The following SLC27A2 variants were observed in gnomAD, a reference collection of about 807,000 sequenced individuals.
The protein encoded by SLC27A2 is long-chain fatty acid transport protein 2.
Under a neutral mutation model 60.0 loss-of-function variants are expected in SLC27A2, and 54 were observed. That is an observed-to-expected ratio of 0.90 (90% confidence interval 0.72 to 1.13). The LOEUF (loss-of-function observed/expected upper bound fraction) is 1.13. SLC27A2 is among the 50% of genes most tolerant of loss of function. The probability of loss-of-function intolerance (pLI) is 0.00; values close to 1 mark genes in which losing one functional copy is unlikely to be tolerated. For missense variants in SLC27A2, 739 were observed against 777.6 expected (o/e 0.95, Z 0.59); for synonymous variants, 297 against 297.6 (o/e 1.00, Z 0.02).
rs547412746 is a variant in SLC27A2 at position 50,204,593 on chromosome 15, T to C, written c.848-646T>C. Among the ~76,000 whole-genome samples, 4 of 151,244 alleles carry C rather than the reference T, an allele frequency of 2.6e-5. No homozygotes were observed. The East Asian group carries it at 5.9e-4, about 22-fold the overall frequency. ...CTAAAAATACAAAAAATTTGCCAGG[T>C]GTGGTGGCACGCGCCTGTAATCCCA... On this transcript the variant is annotated intron_variant, in intron 3 of 9. Transcript: ENST00000267842.
At chr15:50,214,873 A>G (rs746797322) in intron 4 of SLC27A2, among the ~76,000 whole-genome samples, 1 of 152,196 alleles carries the variant, frequency 6.6e-6, no homozygotes, top group Non-Finnish European at 1.5e-5. Flanking sequence ...GAATGGGGAA[A>G]AGTTGAAAGC....
rs141088672 is a variant in SLC27A2 at position 50,196,734 on chromosome 15, C to A, written c.479-766C>A. Among the ~76,000 whole-genome samples, 12 of 152,332 alleles carry A rather than the reference C, an allele frequency of 7.9e-5. No individual in the cohort carries two copies. In the East Asian group the frequency reaches 2.3e-3, roughly 29 times the overall value. On this transcript the variant is annotated intron_variant, in intron 1 of 9. Transcript: ENST00000267842. ...ATGACCCACAGGTTGGGAAACACTG[C>A]TCTAAATTAATCACTCCTTTTTTTT...
At chr15:50,192,400 A>G (rs1595680686) in intron 1 of SLC27A2, among the ~76,000 whole-genome samples, 1 of 152,180 alleles carries the variant, frequency 6.6e-6, no homozygotes, top group African/African-American at 2.4e-5. Flanking sequence ...CACAAACTAC[A>G]TGCCTGCAGA....
At position 50,182,614 on chromosome 15, in the gene SLC27A2, G is replaced by A; in HGVS notation, c.187G>A (p.Ala63Thr). 6.2e-7 allele frequency: 1 copy of A among 1,613,824 alleles called. No individual in the cohort carries two copies. The highest frequency in any genetic ancestry group is 8.5e-7 in the Non-Finnish European group (1 of 1,179,818). The change falls in exon 1 of 10, where the codon GCG becomes ACG. Residue 63 changes from alanine to threonine, a missense_variant. By Grantham distance (58) the Ala-to-Thr change is moderately conservative. Transcript: ENST00000267842. Reference protein sequence around the residue: ...RTILRAFLEKARQTPHKPFLL... With the variant: ...RTILRAFLEKTRQTPHKPFLL... The stretch of plus-strand genomic sequence containing the variant: ...CATCCTGCGGGCGTTCCTGGAGAAA[G>A]CGCGCCAGACGCCACACAAGCCTTT...
At chr15:50,222,518 GC>G (rs1180712245) in intron 4 of SLC27A2, among the ~76,000 whole-genome samples, 1 of 152,170 alleles carries the variant, frequency 6.6e-6, no homozygotes, top group Non-Finnish European at 1.5e-5. Context: ...AGTAGATTGT[GC>G]CCATCTCTGA....
intron 9 of SLC27A2, among the ~76,000 whole-genome samples, chr15:50,234,260 AC>A (rs540966342): frequency 6.8e-4 from 103 of 152,278 alleles, no homozygotes; most frequent in African/African-American, 2.5e-3. Flanking sequence ...AGCCTAGGCA[AC>A]GTAGTGAGAC....
chr15:50,214,387 T>C (rs920843966), intron 4 of SLC27A2, among the ~76,000 whole-genome samples: 1 of 152,026 alleles, frequency 6.6e-6, no homozygotes, highest in South Asian at 2.1e-4. Flanking sequence ...TTCTACCAGA[T>C]GTTCAAAGAA....
rs1190645910 is a variant in SLC27A2, at chr15:50,236,271, A to G, written c.*175A>G. The G allele has an allele frequency of 4.1e-6, 2 of 488,368 alleles. No homozygotes were observed. The highest frequency in any genetic ancestry group is 4.0e-5 in the African/African-American group (2 of 50,466). The allele number at this position is 488,368 out of a possible 1,614,324, so 30.3% of individuals were successfully genotyped here. On this transcript the variant is annotated 3_prime_UTR_variant, in exon 10 of 10. Coordinates refer to ENST00000267842, the MANE Select transcript of SLC27A2 (RefSeq NM_003645.4). ...TGAGTCTTTGCAAGTAAAAAGATTT[A>G]GAGATTATTATTTTTCAGTGTGCAC...
At chr15:50,202,688 C>G in intron 3 of SLC27A2, 43 bp downstream of exon 3, 1 of 1,596,214 alleles carries the variant, frequency 6.3e-7, no homozygotes, top group South Asian at 1.1e-5. Context: ...TGCACATTTA[C>G]ATTTTCCCAG....
Position 50,197,389 on chromosome 15 carries a change from C to T in SLC27A2, c.479-111C>T, listed in dbSNP as rs189745747. 3.6e-4 allele frequency: 274 copies of T among 755,126 alleles called. No homozygotes were observed. In the African/African-American group the frequency reaches 4.0e-3, roughly 11 times the overall value. The allele number at this position is 755,126 out of a possible 1,614,324, so 46.8% of individuals were successfully genotyped here. A position where few individuals can be genotyped will look rare whatever the true frequency, so the allele number is the denominator to read the frequency against. ...ATAAGCATCATTTGTCATGCCCACA[C>T]ATTTAAGCAAAAAATTATGCTGAAA... is the stretch of plus-strand genomic sequence containing the variant. On this transcript the variant is annotated intron_variant, in intron 1 of 9. Transcript: ENST00000267842.
Position 50,227,400 on chromosome 15 carries a change from A to G in SLC27A2, c.1457+222A>G, listed in dbSNP as rs180914692. Among the ~76,000 whole-genome samples the G allele has an allele frequency of 2.8e-3, 430 of 152,372 alleles. 1 individual carries two copies. Among genetic ancestry groups the G allele is most frequent in the African/African-American group, 1.0e-2 (415 of 41,586 alleles). On this transcript the variant is annotated intron_variant, in intron 7 of 9. Coordinates refer to ENST00000267842, the MANE Select transcript of SLC27A2 (RefSeq NM_003645.4). ...GAGCAACACCAGATGAGAATAAGGCAGGAAACCTGTATCTGATTTCTGGAG... is the reference window on the plus strand; with the variant it reads ...GAGCAACACCAGATGAGAATAAGGCGGGAAACCTGTATCTGATTTCTGGAG...
chr15:50,220,152 T>A (rs2045232478), intron 4 of SLC27A2, among the ~76,000 whole-genome samples: 1 of 152,188 alleles, frequency 6.6e-6, no homozygotes, highest in Non-Finnish European at 1.5e-5. Context: ...ACTGAGCCCA[T>A]GGTGTTGTGA....
rs576794496 is a variant in SLC27A2, at chr15:50,210,777, G to A, written c.972+5414G>A. The stretch of plus-strand genomic sequence containing the variant: ...CTGACTCGCCCTCCACCTGGAAACA[G>A]ACTCGGGGCCGTTGAGGGGGCACGG... On this transcript the variant is annotated intron_variant, in intron 4 of 9. Coordinates refer to ENST00000267842, the MANE Select transcript of SLC27A2 (RefSeq NM_003645.4). 2.6e-5 allele frequency among the ~76,000 whole-genome samples: 4 copies of A among 152,326 alleles called. No homozygotes were observed. The East Asian group carries it at 7.7e-4, about 29-fold the overall frequency.
intron 3 of SLC27A2, among the ~76,000 whole-genome samples, chr15:50,204,541 G>A (rs1048733304): frequency 1.3e-5 from 2 of 151,840 alleles, no homozygotes; most frequent in Non-Finnish European, 2.9e-5. Context: ...AGACCATCCT[G>A]GCTAACACAG....
At chr15:50,216,691 G>C (rs1240592529) in intron 4 of SLC27A2, among the ~76,000 whole-genome samples, 1 of 133,176 alleles carries the variant, frequency 7.5e-6, no homozygotes. Flanking sequence ...AATGCCTCCA[G>C]ATTTGTTCTT....
chr15:50,182,362 G>A lies in SLC27A2; in HGVS notation c.-66G>A. On this transcript the variant is annotated 5_prime_UTR_variant, in exon 1 of 10. Coordinates refer to ENST00000267842, the MANE Select transcript of SLC27A2 (RefSeq NM_003645.4). Reference sequence around the variant, plus strand: ...CGCCAGTCCGCCCGGAGCCCGCCCAGTCGCCGCGCTGCACGCCCGGGGTGA... The same window carrying A: ...CGCCAGTCCGCCCGGAGCCCGCCCAATCGCCGCGCTGCACGCCCGGGGTGA... 7.1e-7 allele frequency: 1 copy of A among 1,412,346 alleles called. No individual in the cohort carries two copies. The highest frequency in any genetic ancestry group is 9.2e-7 in the Non-Finnish European group (1 of 1,085,406). 87.5% of individuals were successfully genotyped at this position (1,412,346 alleles called of 1,614,324 possible). A position where few individuals can be genotyped will look rare whatever the true frequency, so the allele number is the denominator to read the frequency against.
chr15:50,222,737 A>G (rs1259386152), intron 4 of SLC27A2, among the ~76,000 whole-genome samples: 2 of 152,230 alleles, frequency 1.3e-5, no homozygotes, highest in East Asian at 1.9e-4. Context: ...TTGTTAAATC[A>G]TAGTTCCAGC....
At position 50,184,444 on chromosome 15, in the gene SLC27A2, C is replaced by A. The variant is rs556332490; in HGVS notation, c.478+1539C>A. Among the ~76,000 whole-genome samples the A allele has an allele frequency of 2.0e-5, 3 of 152,210 alleles. No homozygotes were observed. In the South Asian group the frequency reaches 6.2e-4, roughly 32 times the overall value. The stretch of plus-strand genomic sequence containing the variant: ...GTTACAGAAAGATGAAAGGTTAATT[C>A]ACTTGTGAGAAACCAGGAATCTTAC... On this transcript the variant is annotated intron_variant, in intron 1 of 9. Coordinates refer to ENST00000267842, the MANE Select transcript of SLC27A2 (RefSeq NM_003645.4).
intron 2 of SLC27A2, chr15:50,198,513 G>A (rs183651022): frequency 1.1e-4 from 17 of 152,154 alleles, no homozygotes; most frequent in African/African-American, 4.1e-4. Context: ...GATTCACCTT[G>A]CAGGCTGATT....
Sources: gnomAD v4.1 joint callset for allele counts (sites outside exome capture counted in the v4.1 genomes callset) on GRCh38, gnomAD v4.1.1 for gene constraint, MANE v1.5 for transcripts, NCBI Gene and HGNC (gene_info 2026-07-23, HGNC 2026-07-21) for gene names.